The following PPP2R2C variants were observed in gnomAD, a reference collection of about 807,000 sequenced individuals.
The protein encoded by PPP2R2C is protein phosphatase 2, regulatory subunit B, gamma.
PPP2R2C carries 10 observed loss-of-function variants against 45.3 expected under a neutral mutation model. That is an observed-to-expected ratio of 0.22 (90% CI 0.14 to 0.37). PPP2R2C has a LOEUF of 0.37. Ranked by LOEUF, PPP2R2C falls within the 10% of genes least tolerant of loss-of-function variation. The pLI, the probability that PPP2R2C is intolerant of heterozygous loss-of-function variation, is 1.00. For synonymous variants in PPP2R2C, 257 were observed against 245.4 expected, an observed-to-expected ratio of 1.05 and a Z score of -0.44; for missense variants, 308 against 619.7, an observed-to-expected ratio of 0.50 and a Z score of 5.34.
At chr4:6,535,200 G>T in intron 2 of PPP2R2C, 1 of 1,476,620 alleles carries the variant, frequency 6.8e-7, no homozygotes, top group Non-Finnish European at 9.1e-7. Context: ...TGTGTCGGGC[G>T]CCTGTGACCC....
At chr4:6,458,372 CCA>C (rs1157135604) in intron 1 of PPP2R2C, among the ~76,000 whole-genome samples, 1 of 152,176 alleles carries the variant, frequency 6.6e-6, no homozygotes, top group Non-Finnish European at 1.5e-5. Flanking sequence ...GATTTGGTGT[CCA>C]CTGAGGTCCA....
chr4:6,499,785 C>T (rs1020064006), intron 2 of PPP2R2C, among the ~76,000 whole-genome samples: 1 of 151,652 alleles, frequency 6.6e-6, no homozygotes, highest in Non-Finnish European at 1.5e-5. Context: ...AAAACAACTC[C>T]TACCCCAGAC....
At chr4:6,376,560 C>G (rs1715319214) in intron 3 of PPP2R2C, among the ~76,000 whole-genome samples, 2 of 151,884 alleles carry the variant, frequency 1.3e-5, no homozygotes, top group Non-Finnish European at 2.9e-5. Flanking sequence ...CTCAGATGAT[C>G]CTTCAATCTC....
chr4:6,542,984 C>T (rs1187443244), intron 1 of PPP2R2C, among the ~76,000 whole-genome samples: 1 of 152,196 alleles, frequency 6.6e-6, no homozygotes, highest in Non-Finnish European at 1.5e-5. Flanking sequence ...AGCAGGGAGG[C>T]CTGCATTTCA....
chr4:6,326,567 A>G (rs944857539), intron 8 of PPP2R2C, among the ~76,000 whole-genome samples: 1 of 152,206 alleles, frequency 6.6e-6, no homozygotes, highest in Non-Finnish European at 1.5e-5. Flanking sequence ...TAGTCCACGC[A>G]GGATCACTGC....
chr4:6,498,964 C>A (rs1722961215), intron 2 of PPP2R2C, among the ~76,000 whole-genome samples: 1 of 152,168 alleles, frequency 6.6e-6, no homozygotes, highest in Admixed American at 6.5e-5. Context: ...CCGTCCCTCT[C>A]CCTCTCCCTC....
intron 1 of PPP2R2C, among the ~76,000 whole-genome samples, chr4:6,415,642 C>T (rs1022285262): frequency 2.0e-5 from 3 of 152,156 alleles, no homozygotes; most frequent in East Asian, 1.9e-4. Context: ...GTGCCTCAAT[C>T]GACAGCATTC....
chr4:6,535,526 G>A, intron 1 of PPP2R2C: 1 of 585,044 alleles, frequency 1.7e-6, no homozygotes, highest in Admixed American at 3.2e-5. Flanking sequence ...GGCCAGGGTT[G>A]GAAATGCCTC....
chr4:6,544,742 A>T (rs1209623498), intron 1 of PPP2R2C, among the ~76,000 whole-genome samples: 1 of 152,186 alleles, frequency 6.6e-6, no homozygotes, highest in Non-Finnish European at 1.5e-5. Context: ...TGAAATAGAA[A>T]CTGCTGGCCA....
intron 2 of PPP2R2C, among the ~76,000 whole-genome samples, chr4:6,520,830 T>C (rs1577236533): frequency 6.6e-6 from 1 of 152,146 alleles, no homozygotes; most frequent in South Asian, 2.1e-4. Flanking sequence ...CCAGCAACTC[T>C]CAAGGCTGGA....
intron 2 of PPP2R2C, among the ~76,000 whole-genome samples, chr4:6,520,095 G>C (rs1216976027): frequency 3.3e-5 from 5 of 152,208 alleles, no homozygotes; most frequent in Admixed American, 2.6e-4. Context: ...GAGAGGGACA[G>C]GATCAGATTC....
intron 1 of PPP2R2C, among the ~76,000 whole-genome samples, chr4:6,543,649 G>A (rs531810287): frequency 6.6e-6 from 1 of 152,240 alleles, no homozygotes; most frequent in East Asian, 1.9e-4. Flanking sequence ...GCTTAACCAA[G>A]CGGCTGACAT....
At chr4:6,514,500 C>T (rs1428061054) in intron 2 of PPP2R2C, among the ~76,000 whole-genome samples, 1 of 152,206 alleles carries the variant, frequency 6.6e-6, no homozygotes, top group Admixed American at 6.5e-5. Flanking sequence ...ATTTGTCCCC[C>T]AGTGGCTGGC....
At chr4:6,388,705 GC>G (rs1363016456) in intron 1 of PPP2R2C, among the ~76,000 whole-genome samples, 2 of 152,110 alleles carry the variant, frequency 1.3e-5, no homozygotes, top group Admixed American at 6.6e-5. Flanking sequence ...GCCCGGAAAT[GC>G]CAAGGATTGC....
intron 1 of PPP2R2C, among the ~76,000 whole-genome samples, chr4:6,416,023 C>G (rs1296008522): frequency 6.6e-6 from 1 of 152,212 alleles, no homozygotes; most frequent in Admixed American, 6.5e-5. Flanking sequence ...AATTTTTTAT[C>G]CCAAGTTCCT....
chr4:6,473,319 C>A (rs1319636417), upstream of PPP2R2C, among the ~76,000 whole-genome samples: 1 of 152,160 alleles, frequency 6.6e-6, no homozygotes, highest in Non-Finnish European at 1.5e-5. Flanking sequence ...AAACCCAGGG[C>A]TCTGCCAAAC....
chr4:6,467,439 C>G lies in PPP2R2C; in HGVS notation c.70+4721G>C, dbSNP rs1018539428. On this transcript the variant is annotated intron_variant, in intron 1 of 8. Coordinates refer to ENST00000382599, the MANE Select transcript of PPP2R2C (RefSeq NM_020416.4). ...CTGCCCAATATTACAGACCCAGGGTCAGACCCCACCAGGAACCCAGATCTC... is the reference window on the plus strand; with the variant it reads ...CTGCCCAATATTACAGACCCAGGGTGAGACCCCACCAGGAACCCAGATCTC... 2.0e-5 allele frequency among the ~76,000 whole-genome samples: 3 copies of G among 152,174 alleles called. No individual in the cohort carries two copies. In the East Asian group the frequency reaches 5.8e-4, roughly 29 times the overall value.
At chr4:6,478,589 T>G (rs1688136915) in intron 2 of PPP2R2C, among the ~76,000 whole-genome samples, 1 of 152,204 alleles carries the variant, frequency 6.6e-6, no homozygotes, top group African/African-American at 2.4e-5. Flanking sequence ...CTGAGAGTTG[T>G]GGGTTGTTGG....
intron 1 of PPP2R2C, among the ~76,000 whole-genome samples, chr4:6,417,020 C>T (rs904754344): frequency 2.0e-5 from 3 of 152,352 alleles, no homozygotes; most frequent in Admixed American, 6.5e-5. Flanking sequence ...TCCACACCTG[C>T]CTGCTGGGGT....
Sources: allele counts gnomAD v4.1 joint callset (sites outside exome capture counted in the v4.1 genomes callset), GRCh38; gene constraint gnomAD v4.1.1; transcripts MANE v1.5; gene names NCBI Gene and HGNC (gene_info 2026-07-23, HGNC 2026-07-21).